Variants in PPP2R5E observed in about 807,000 individuals in gnomAD.
PPP2R5E encodes protein phosphatase 2 regulatory subunit B'epsilon, also known as serine/threonine-protein phosphatase 2A 56 kDa regulatory subunit epsilon isoform.
Under a neutral mutation model 65.3 loss-of-function variants are expected in PPP2R5E, and 4 were observed. The ratio of observed to expected loss-of-function variants is 0.06; its 90% CI spans 0.03 to 0.14. The LOEUF (loss-of-function observed/expected upper bound fraction) is 0.14. PPP2R5E is among the 10% of genes least tolerant of loss of function. The pLI, the probability that PPP2R5E is intolerant of heterozygous loss-of-function variation, is 1.00. For synonymous variants in PPP2R5E, 183 were observed against 187.4 expected (o/e 0.98, Z 0.19); for missense variants, 274 against 556.1 (o/e 0.49, Z 5.10).
intron 2 of PPP2R5E, among the ~76,000 whole-genome samples, chr14:63,482,932 G>A (rs1890787829): frequency 6.6e-6 from 1 of 152,102 alleles, no homozygotes; most frequent in African/African-American, 2.4e-5. Context: ...ATACCGCAGT[G>A]AACAAAAGTG....
Position 63,396,639 on chromosome 14 carries a change from C to T in PPP2R5E, c.627G>A (p.Lys209=). The T allele has an allele frequency of 1.9e-6, 3 of 1,613,556 alleles. No homozygotes were observed. The highest frequency in any genetic ancestry group is 2.2e-5 in the South Asian group (2 of 91,080). ...LKTVLHRIYG[K]FLGLRAFIRK... is the part of the protein sequence containing the mutation. ...GGATAAATGCTCTAAGACCAAGAAA[C>T]TTGCCATAAATTCTGTGTAAGACTG... Residue 209 remains lysine (K), a synonymous_variant, in exon 6 of 14, where the codon AAG becomes AAA. Transcript: ENST00000337537.
chr14:63,498,883 A>T (rs763757714), intron 2 of PPP2R5E, among the ~76,000 whole-genome samples: 2 of 152,118 alleles, frequency 1.3e-5, no homozygotes, highest in Non-Finnish European at 2.9e-5. Flanking sequence ...ACTGGCAGAG[A>T]CTATGAAATA....
intron 2 of PPP2R5E, among the ~76,000 whole-genome samples, chr14:63,461,069 TTTAA>T (rs1272661628): frequency 6.6e-6 from 1 of 152,066 alleles, no homozygotes; most frequent in Non-Finnish European, 1.5e-5. Context: ...TCATTAGAGG[TTTAA>T]TTATTTTCCT....
chr14:63,399,366 C>CTTTGTTTTTTT (rs1885604828), intron 5 of PPP2R5E, among the ~76,000 whole-genome samples: 1 of 48,504 alleles, frequency 2.1e-5, no homozygotes. Context: ...GGATTTCTTT[C>CTTTGTTTTTTT]TTTTTTTTTT....
At chr14:63,412,264 C>T (rs72714233) in intron 5 of PPP2R5E, among the ~76,000 whole-genome samples, 2,856 of 152,254 alleles carry the variant, frequency 0.019, 55 homozygotes, top group East Asian at 0.051. Context: ...CATAGCAAGA[C>T]CCTGTTTGTT....
rs1410017199 is a variant in PPP2R5E, at chr14:63,497,362, C to T, written c.157+42167G>A. Among the ~76,000 whole-genome samples the T allele has an allele frequency of 2.0e-5, 3 of 152,250 alleles. No homozygotes were observed. The South Asian group carries it at 6.2e-4, about 32-fold the overall frequency. Reference sequence around the variant, plus strand: ...GCTCCCCATCAAAAGGCCACAATTACTCTTTCTTGACTACAAGCATCATCT... The same window carrying T: ...GCTCCCCATCAAAAGGCCACAATTATTCTTTCTTGACTACAAGCATCATCT... On this transcript the variant is annotated intron_variant, in intron 2 of 13. Coordinates refer to ENST00000337537, the MANE Select transcript of PPP2R5E (RefSeq NM_006246.5).
At chr14:63,534,626 T>C (rs1893592326) in intron 2 of PPP2R5E, among the ~76,000 whole-genome samples, 1 of 152,038 alleles carries the variant, frequency 6.6e-6, no homozygotes, top group South Asian at 2.1e-4. Context: ...AAGAAAAAAA[T>C]GTTTTTATTT....
chr14:63,490,118 A>G (rs879561781), intron 2 of PPP2R5E, among the ~76,000 whole-genome samples: 3 of 152,148 alleles, frequency 2.0e-5, no homozygotes, highest in Admixed American at 6.5e-5. Flanking sequence ...GCCGAATAAA[A>G]TTGTGCTAAC....
chr14:63,527,247 C>T (rs1374665595), intron 2 of PPP2R5E, among the ~76,000 whole-genome samples: 3 of 152,204 alleles, frequency 2.0e-5, no homozygotes, highest in African/African-American at 4.8e-5. Context: ...AAAATAATTA[C>T]ATTAGCCACT....
In PPP2R5E at chr14:63,506,471, T is replaced by A. The variant is rs569091269; in HGVS notation, c.157+33058A>T. The stretch of plus-strand genomic sequence containing the variant: ...GTCTCAAAAAAGAAAAAAGTAATAA[T>A]AATAATAACAAAAAGATAATCCAAA... On this transcript the variant is annotated intron_variant, in intron 2 of 13. Transcript: ENST00000337537. 2.6e-5 allele frequency among the ~76,000 whole-genome samples: 4 copies of A among 151,790 alleles called. No individual in the cohort carries two copies. In the East Asian group the frequency reaches 7.8e-4, roughly 29 times the overall value.
chr14:63,387,002 C>T (rs1351733740), intron 11 of PPP2R5E, among the ~76,000 whole-genome samples: 3 of 151,518 alleles, frequency 2.0e-5, no homozygotes, highest in Admixed American at 1.3e-4. Flanking sequence ...AAGGAAAGGG[C>T]ATTCCAGGTA....
intron 13 of PPP2R5E, among the ~76,000 whole-genome samples, chr14:63,379,918 T>C (rs547966454): frequency 1.5e-5 from 2 of 131,090 alleles, no homozygotes; most frequent in East Asian, 5.4e-4. Flanking sequence ...CACTGCAACC[T>C]CCACCTCCCG....
At chr14:63,481,183 C>T (rs1198144861) in intron 2 of PPP2R5E, among the ~76,000 whole-genome samples, 1 of 151,994 alleles carries the variant, frequency 6.6e-6, no homozygotes, top group African/African-American at 2.4e-5. Context: ...AGTGCTCTAT[C>T]ACAATAAAAA....
chr14:63,539,227 A>G (rs1356134599), intron 2 of PPP2R5E, among the ~76,000 whole-genome samples: 1 of 152,242 alleles, frequency 6.6e-6, no homozygotes, highest in East Asian at 1.9e-4. Flanking sequence ...AAACGTCAAC[A>G]GAAGAAAAAA....
chr14:63,507,869 C>T lies in PPP2R5E; in HGVS notation c.157+31660G>A, dbSNP rs914361505. ...CTGGGATTACAGGCGTGAGCCACCG[C>T]AACCGGCCCCAGCAAGGGTAATTCT... On this transcript the variant is annotated intron_variant, in intron 2 of 13. Coordinates refer to ENST00000337537, the MANE Select transcript of PPP2R5E (RefSeq NM_006246.5). 2.6e-4 allele frequency among the ~76,000 whole-genome samples: 40 copies of T among 152,154 alleles called. 1 individual carries two copies. The highest frequency in any genetic ancestry group is 9.2e-4 in the African/African-American group (38 of 41,512).
At chr14:63,413,821 C>T (rs1227744564) in intron 5 of PPP2R5E, among the ~76,000 whole-genome samples, 1 of 152,174 alleles carries the variant, frequency 6.6e-6, no homozygotes, top group Non-Finnish European at 1.5e-5. Flanking sequence ...TATTTCAGAC[C>T]TCACTTTTCC....
At chr14:63,380,395 G>T (rs1884277437) in intron 13 of PPP2R5E, among the ~76,000 whole-genome samples, 1 of 152,066 alleles carries the variant, frequency 6.6e-6, no homozygotes, top group Non-Finnish European at 1.5e-5. Flanking sequence ...GGGCGCGGTG[G>T]CTTACGCCTG....
intron 3 of PPP2R5E, among the ~76,000 whole-genome samples, chr14:63,442,768 CCA>C (rs766010545): frequency 2.6e-5 from 4 of 152,180 alleles, no homozygotes; most frequent in African/African-American, 7.2e-5. Flanking sequence ...TCAGTACTAT[CCA>C]CAGTTTCAGG....
intron 2 of PPP2R5E, among the ~76,000 whole-genome samples, chr14:63,501,060 CCA>C (rs1165084832): frequency 2.0e-5 from 3 of 152,058 alleles, no homozygotes; most frequent in Admixed American, 2.0e-4. Context: ...AATGACAAGT[CCA>C]CAGTCAGACA....
Sources: gnomAD v4.1 joint callset for allele counts (sites outside exome capture counted in the v4.1 genomes callset) on GRCh38, gnomAD v4.1.1 for gene constraint, MANE v1.5 for transcripts, NCBI Gene and HGNC (gene_info 2026-07-23, HGNC 2026-07-21) for gene names.